Variants in RAB40A observed in about 807,000 individuals in gnomAD.
RAB40A encodes ras-related protein Rab-40A.
For synonymous variants in RAB40A, 65 were observed against 99.9 expected (o/e 0.65, Z 2.08); for missense variants, 145 against 230.2 (o/e 0.63, Z 2.40).
At chrX:103,512,396 G>C (rs2073295506) in intron 2 of RAB40A, among the ~76,000 whole-genome samples, 2 of 110,220 alleles carry the variant, frequency 1.8e-5, no homozygotes, top group Admixed American at 9.7e-5. Context: ...AAATTTACTG[G>C]GGAGCCACAC....
At chrX:103,508,881 T>A (rs762306027) in intron 2 of RAB40A, among the ~76,000 whole-genome samples, 7 of 111,506 alleles carry the variant, frequency 6.3e-5, no homozygotes, top group African/African-American at 2.0e-4. Flanking sequence ...TGTAGATATA[T>A]AGATATAGAT....
intron 2 of RAB40A, among the ~76,000 whole-genome samples, chrX:103,504,944 T>C (rs1461791082): frequency 8.9e-6 from 1 of 112,464 alleles, no homozygotes; most frequent in Non-Finnish European, 1.9e-5. Flanking sequence ...CTTTTAATAA[T>C]AAAAGCAGAA....
chrX:103,507,814 A>C (rs369717100), intron 2 of RAB40A, among the ~76,000 whole-genome samples: 10 of 111,791 alleles, frequency 8.9e-5, no homozygotes, highest in African/African-American at 3.3e-4. Context: ...ACCTGTCCCA[A>C]GGCCAACACC....
chrX:103,497,836 C>T (rs887434178), downstream of RAB40A, among the ~76,000 whole-genome samples: 3 of 112,106 alleles, frequency 2.7e-5, no homozygotes, highest in Non-Finnish European at 5.6e-5. Context: ...ATAATGCCAC[C>T]AGTAGCTCTA....
At chrX:103,511,081 C>T (rs146152988) in intron 2 of RAB40A, among the ~76,000 whole-genome samples, 1,344 of 111,870 alleles carry the variant, frequency 0.012, 24 homozygotes, top group African/African-American at 0.041. Flanking sequence ...GACATGCACA[C>T]GTATGTTTAT....
chrX:103,507,419 T>C (rs1041743365), intron 2 of RAB40A, among the ~76,000 whole-genome samples: 3 of 111,030 alleles, frequency 2.7e-5, no homozygotes, highest in Non-Finnish European at 5.6e-5. Flanking sequence ...TGGTTTTTTT[T>C]CCTTTGGAAA....
chrX:103,495,597 T>C (rs769821215), downstream of RAB40A, among the ~76,000 whole-genome samples: 1 of 112,137 alleles, frequency 8.9e-6, no homozygotes, highest in African/African-American at 3.2e-5. Context: ...AATCAAACAA[T>C]ATTTGGTCTT....
intron 2 of RAB40A, chrX:103,503,197 T>TA: frequency 1.3e-6 from 1 of 752,837 alleles, no homozygotes; most frequent in African/African-American, 2.3e-5. Context: ...AACAAGACTG[T>TA]AAAAACATAT....
rs943895119 is a variant in RAB40A at position 103,503,529 on chromosome X, A to T, written c.-70-2703T>A. On this transcript the variant is annotated intron_variant, in intron 2 of 2. Transcript: ENST00000304236. ...TAATATACGTATATTTTTCAAACAGAACTGGCATCGTAGTTTGTCACTCTT... is the reference window on the plus strand; with the variant it reads ...TAATATACGTATATTTTTCAAACAGTACTGGCATCGTAGTTTGTCACTCTT... 4 of 745,159 alleles carry T rather than the reference A, an allele frequency of 5.4e-6. No homozygotes were observed. The African/African-American group carries it at 9.5e-5, about 18-fold the overall frequency. 61.4% of individuals were successfully genotyped at this position (745,159 alleles called of 1,213,427 possible). A position where few individuals can be genotyped will look rare whatever the true frequency, so the allele number is the denominator to read the frequency against.
At chrX:103,493,508 C>T in the RAB40A span, among the ~76,000 whole-genome samples, 1 of 111,300 alleles carries the variant, frequency 9.0e-6, no homozygotes, top group African/African-American at 3.3e-5. Flanking sequence ...GTTGTGCTAC[C>T]AAGTACTAGG....
At chrX:103,498,706 G>A (rs2073200739), downstream of RAB40A, among the ~76,000 whole-genome samples, 3 of 112,306 alleles carry the variant, frequency 2.7e-5, no homozygotes, top group Non-Finnish European at 5.6e-5. Flanking sequence ...ACAGCTCCGT[G>A]AGGCCAGAGA....
At chrX:103,514,456 C>T (rs749603204) in intron 2 of RAB40A, among the ~76,000 whole-genome samples, 1 of 110,959 alleles carries the variant, frequency 9.0e-6, no homozygotes, top group South Asian at 3.9e-4. Context: ...CTCAGGTGAT[C>T]CTCCCACCTC....
chrX:103,493,527 ATTCT>A, the RAB40A span, among the ~76,000 whole-genome samples: 1 of 111,159 alleles, frequency 9.0e-6, no homozygotes, highest in African/African-American at 3.3e-5. Context: ...GGTCTTATTC[ATTCT>A]TTCTAATTTT....
chrX:103,504,095 C>A (rs752859765), intron 2 of RAB40A, among the ~76,000 whole-genome samples: 1 of 111,572 alleles, frequency 9.0e-6, no homozygotes, highest in East Asian at 2.8e-4. Context: ...AAACCAAATA[C>A]CACATGTTTT....
intron 2 of RAB40A, among the ~76,000 whole-genome samples, chrX:103,512,439 C>T (rs1489021673): frequency 9.0e-6 from 1 of 111,105 alleles, no homozygotes; most frequent in Admixed American, 9.6e-5. Flanking sequence ...TCACAACTTG[C>T]TAGCCCTGCC....
chrX:103,500,874 T>G, intron 2 of RAB40A, 48 bp from the exon 3 acceptor site: 1 of 1,095,403 alleles, frequency 9.1e-7, no homozygotes, highest in Non-Finnish European at 1.2e-6. Context: ...TGGGGAAGTC[T>G]GTGAAATAAA....
At chrX:103,507,005 C>T (rs903304945) in intron 2 of RAB40A, among the ~76,000 whole-genome samples, 2 of 110,873 alleles carry the variant, frequency 1.8e-5, no homozygotes, top group Non-Finnish European at 3.8e-5. Context: ...GTTTGCTGCA[C>T]CTATTGACCC....
chrX:103,500,104 A>T lies in RAB40A; in HGVS notation c.653T>A (p.Leu218Ter), dbSNP rs761047526. ...GGAGAAGGACTTGAGGTGGCTTCTTAAGGTACTGGGGAGCGGGAGCTTGTC... is the reference window on the plus strand; with the variant it reads ...GGAGAAGGACTTGAGGTGGCTTCTTTAGGTACTGGGGAGCGGGAGCTTGTC... ...LVDKLPLPST[L>*]RSHLKSFSMA... The change falls in exon 3 of 3, where the codon TTA becomes TAA. Residue 218 changes from leucine (L) to a stop codon, truncating the protein, a stop_gained. Transcript: ENST00000304236. LOFTEE classifies it low-confidence loss of function (END_TRUNC). 21 of 1,210,365 alleles carry T rather than the reference A, an allele frequency of 1.7e-5. No homozygotes were observed. The highest frequency in any genetic ancestry group is 2.2e-5 in the Non-Finnish European group (20 of 895,169).
At chrX:103,510,895 C>T (rs976968687) in intron 2 of RAB40A, among the ~76,000 whole-genome samples, 7 of 111,757 alleles carry the variant, frequency 6.3e-5, no homozygotes, top group African/African-American at 2.3e-4. Context: ...TATAACACGG[C>T]ATATTTTCCC....
Sources: allele counts gnomAD v4.1 joint callset (sites outside exome capture counted in the v4.1 genomes callset), GRCh38; gene constraint gnomAD v4.1.1; transcripts MANE v1.5; gene names NCBI Gene and HGNC (gene_info 2026-07-23, HGNC 2026-07-21).